The following PDCL2 variants were observed in gnomAD, a reference collection of about 807,000 sequenced individuals.
PDCL2 encodes phosducin like 2, also known as phosducin-like protein 2.
Under a neutral mutation model 30.3 loss-of-function variants are expected in PDCL2, and 23 were observed. The ratio of observed to expected loss-of-function variants is 0.76; its 90% CI spans 0.55 to 1.08. The LOEUF (loss-of-function observed/expected upper bound fraction) is 1.08. PDCL2 is among the 50% of genes least tolerant of loss of function. The pLI, the probability that PDCL2 is intolerant of heterozygous loss-of-function variation, is 0.00. For missense variants in PDCL2, 243 were observed against 282.3 expected (o/e 0.86, Z 1.00); for synonymous variants, 68 against 86.2 (o/e 0.79, Z 1.17).
chr4:55,577,240 G>T (rs921789597), intron 3 of PDCL2, among the ~76,000 whole-genome samples: 4 of 152,188 alleles, frequency 2.6e-5, no homozygotes, highest in Non-Finnish European at 5.9e-5. Context: ...TCATAAAGGG[G>T]TAGCCCTCAT....
At chr4:55,583,512 CCT>C (rs1290282004) in intron 1 of PDCL2, among the ~76,000 whole-genome samples, 2 of 151,970 alleles carry the variant, frequency 1.3e-5, no homozygotes, top group Non-Finnish European at 1.5e-5. Context: ...TAGTTTTTCC[CCT>C]GTGTTTTCTT....
chr4:55,587,432 G>A (rs1374942006), intron 1 of PDCL2, among the ~76,000 whole-genome samples: 1 of 151,646 alleles, frequency 6.6e-6, no homozygotes, highest in East Asian at 1.9e-4. Context: ...TTTATATTGG[G>A]TTGTTTGTCT....
intron 3 of PDCL2, among the ~76,000 whole-genome samples, chr4:55,570,277 G>A (rs1021812467): frequency 6.6e-6 from 1 of 152,126 alleles, no homozygotes; most frequent in Non-Finnish European, 1.5e-5. Context: ...CTTAATCCTT[G>A]TAAAAATGTT....
At position 55,580,929 on chromosome 4, in the gene PDCL2, A is replaced by G; in HGVS notation, c.128-18T>C. The G allele has an allele frequency of 1.3e-6, 2 of 1,566,298 alleles. No individual in the cohort carries two copies. Among genetic ancestry groups the G allele is most frequent in the Admixed American group, 2.0e-5 (1 of 50,294 alleles). ...TGGTTTCACTAAAACAACATAAATT[A>G]TAGATTATCAAATTGTTTAAAAATT... On this transcript the variant is annotated intron_variant, in intron 2 of 5. Transcript: ENST00000295645.
At chr4:55,568,611 TAGA>T (rs1732330191) in intron 4 of PDCL2, among the ~76,000 whole-genome samples, 2 of 152,350 alleles carry the variant, frequency 1.3e-5, no homozygotes, top group South Asian at 4.1e-4. Flanking sequence ...TGTGGTTATG[TAGA>T]AGAACGTTCT....
intron 3 of PDCL2, among the ~76,000 whole-genome samples, chr4:55,572,269 TG>T (rs10709043): frequency 0.76 from 114,841 of 152,002 alleles, 43,765 homozygotes; most frequent in East Asian, 0.9. Flanking sequence ...GAACTTAATA[TG>T]GGGGGAATTA....
intron 3 of PDCL2, among the ~76,000 whole-genome samples, chr4:55,573,460 A>T (rs571492912): frequency 6.6e-6 from 1 of 152,268 alleles, no homozygotes; most frequent in South Asian, 2.1e-4. Context: ...GTTTAATAAC[A>T]GAGATGAGGC....
intron 4 of PDCL2, among the ~76,000 whole-genome samples, chr4:55,568,649 C>A (rs2110156919): frequency 6.6e-6 from 1 of 152,178 alleles, no homozygotes; most frequent in Non-Finnish European, 1.5e-5. Flanking sequence ...GTATACCACA[C>A]CAAAATAAGC....
chr4:55,563,904 C>T (rs781326996), intron 4 of PDCL2, among the ~76,000 whole-genome samples: 1 of 152,178 alleles, frequency 6.6e-6, no homozygotes, highest in Non-Finnish European at 1.5e-5. Flanking sequence ...TCTTTTAGAC[C>T]TTTCAAGGCA....
chr4:55,578,075 C>A (rs560597919), intron 3 of PDCL2, among the ~76,000 whole-genome samples: 8 of 152,184 alleles, frequency 5.3e-5, no homozygotes, highest in African/African-American at 1.7e-4. Context: ...ATTTTTTGAG[C>A]CTGCATCTTC....
chr4:55,589,745 C>T (rs1265693597), intron 1 of PDCL2, among the ~76,000 whole-genome samples: 1 of 152,076 alleles, frequency 6.6e-6, no homozygotes, highest in African/African-American at 2.4e-5. Flanking sequence ...GTATGTATAC[C>T]TCATGGATAC....
Position 55,556,718 on chromosome 4 carries a change from TAAATAACCCATCATTCAGTTAAA to T in PDCL2, c.572-30_572-8del. 1 of 1,524,948 alleles carries T rather than the reference TAAATAACCCATCATTCAGTTAAA, an allele frequency of 6.6e-7. No individual in the cohort carries two copies. The highest frequency in any genetic ancestry group is 8.8e-7 in the Non-Finnish European group (1 of 1,136,954). 94.5% of individuals were successfully genotyped at this position (1,524,948 alleles called of 1,614,324 possible). Reference sequence around the variant, plus strand: ...GCTAGCTTCCATTCAAGTTCTGTAATAAATAACCCATCATTCAGTTAAAAATCTTGAAAAAATGAATAATTTTT... The same window carrying T: ...GCTAGCTTCCATTCAAGTTCTGTAATAATCTTGAAAAAATGAATAATTTTT... On this transcript the variant is annotated splice_region_variant and splice_polypyrimidine_tract_variant and intron_variant, in intron 5 of 5. Coordinates refer to ENST00000295645, the MANE Select transcript of PDCL2 (RefSeq NM_152401.3).
chr4:55,589,494 GT>G (rs1577921756), intron 1 of PDCL2, among the ~76,000 whole-genome samples: 1 of 152,168 alleles, frequency 6.6e-6, no homozygotes. Flanking sequence ...AGGCCGAAAT[GT>G]TTTTCGACAG....
At chr4:55,584,964 T>C (rs992836836) in intron 1 of PDCL2, among the ~76,000 whole-genome samples, 1 of 152,230 alleles carries the variant, frequency 6.6e-6, no homozygotes, top group Non-Finnish European at 1.5e-5. Flanking sequence ...TTTCTGCATC[T>C]AACAAGATGA....
At chr4:55,590,527 C>T (rs1228367647) in intron 1 of PDCL2, among the ~76,000 whole-genome samples, 1 of 151,484 alleles carries the variant, frequency 6.6e-6, no homozygotes, top group Non-Finnish European at 1.5e-5. Flanking sequence ...TGCTCTGTCA[C>T]CCAGGCTGGA....
chr4:55,574,473 C>T (rs995867134), intron 3 of PDCL2, among the ~76,000 whole-genome samples: 1 of 152,166 alleles, frequency 6.6e-6, no homozygotes, highest in Non-Finnish European at 1.5e-5. Flanking sequence ...TTCTGATTCA[C>T]ACAACTGGAA....
chr4:55,584,647 T>G (rs917840180), intron 1 of PDCL2, among the ~76,000 whole-genome samples: 1 of 152,180 alleles, frequency 6.6e-6, no homozygotes, highest in Non-Finnish European at 1.5e-5. Flanking sequence ...GTGGGGACTT[T>G]AGGGTTTTAC....
chr4:55,563,313 G>A (rs1221840939), intron 4 of PDCL2, among the ~76,000 whole-genome samples: 2 of 152,062 alleles, frequency 1.3e-5, no homozygotes, highest in African/African-American at 4.8e-5. Flanking sequence ...ATCTTTGTTG[G>A]TTATTCTGCT....
chr4:55,569,852 C>T lies in PDCL2; in HGVS notation c.228G>A (p.Arg76=), dbSNP rs187301675. ...TCTTAAGAGCTTTCCATTCCTGTAA[C>T]CGCTTCTTTCTAATTAAAACATGAA... is the stretch of plus-strand genomic sequence containing the variant. ...MQAVETYRKK[R]LQEWKALKKK... Residue 76 remains arginine, a synonymous_variant, in exon 4 of 6, where the codon CGG becomes CGA. Transcript: ENST00000295645. The T allele has an allele frequency of 1.4e-4, 209 of 1,511,642 alleles. No individual in the cohort carries two copies. Among genetic ancestry groups the T allele is most frequent in the Non-Finnish European group, 1.7e-4 (190 of 1,116,034 alleles). 93.6% of individuals were successfully genotyped at this position (1,511,642 alleles called of 1,614,324 possible).
Sources: allele counts gnomAD v4.1 joint callset (sites outside exome capture counted in the v4.1 genomes callset), GRCh38; gene constraint gnomAD v4.1.1; transcripts MANE v1.5; gene names NCBI Gene and HGNC (gene_info 2026-07-23, HGNC 2026-07-21).